Variants in TMED3 observed in about 807,000 individuals in gnomAD.
The protein encoded by TMED3 is transmembrane p24 trafficking protein 3.
Under a neutral mutation model 15.0 loss-of-function variants are expected in TMED3, and 9 were observed. That is an observed-to-expected ratio of 0.60 (90% CI 0.36 to 1.04). TMED3 has a LOEUF of 1.04. Among genes scored for constraint, TMED3 ranks in the 50% least tolerant of loss-of-function variants. The pLI, the probability that TMED3 is intolerant of heterozygous loss-of-function variation, is 0.01. For synonymous variants in TMED3, 117 were observed against 121.4 expected, an observed-to-expected ratio of 0.96 and a Z score of 0.24; for missense variants, 267 against 278.9, an observed-to-expected ratio of 0.96 and a Z score of 0.30.
At chr15:79,382,560 C>G (rs1211818715) in intron 2 of TMED3, among the ~76,000 whole-genome samples, 1 of 152,220 alleles carries the variant, frequency 6.6e-6, no homozygotes, top group Non-Finnish European at 1.5e-5. Context: ...AGCACCTATC[C>G]CACAGTGGCC....
chr15:79,398,546 G>T (rs553588536), intron 2 of TMED3, among the ~76,000 whole-genome samples: 23 of 149,182 alleles, frequency 1.5e-4, no homozygotes, highest in African/African-American at 5.2e-4. Flanking sequence ...AAAGGCCTGA[G>T]AACGGGAAGC....
intron 2 of TMED3, among the ~76,000 whole-genome samples, chr15:79,363,332 C>G (rs914554740): frequency 4.6e-5 from 7 of 151,696 alleles, no homozygotes; most frequent in Non-Finnish European, 1.0e-4. Flanking sequence ...ATTAATAGAC[C>G]AGACTAAAAA....
chr15:79,362,895 G>C (rs1893159486), intron 2 of TMED3, among the ~76,000 whole-genome samples: 1 of 152,118 alleles, frequency 6.6e-6, no homozygotes. Context: ...AGCAGCATGA[G>C]AACAGACTAA....
intron 2 of TMED3, among the ~76,000 whole-genome samples, chr15:79,356,022 G>A (rs1567031316): frequency 6.6e-6 from 1 of 152,104 alleles, no homozygotes; most frequent in Non-Finnish European, 1.5e-5. Context: ...CAGTCTTCTG[G>A]TCCAGCTTGT....
intron 2 of TMED3, among the ~76,000 whole-genome samples, chr15:79,396,404 C>T (rs1000018760): frequency 6.6e-6 from 1 of 152,124 alleles, no homozygotes; most frequent in East Asian, 1.9e-4. Context: ...TGGCTGGGGG[C>T]TAGAATCTTC....
downstream of TMED3, among the ~76,000 whole-genome samples, chr15:79,325,500 T>C (rs2058783963): frequency 6.6e-6 from 1 of 152,212 alleles, no homozygotes; most frequent in African/African-American, 2.4e-5. Flanking sequence ...CATTAAGTGT[T>C]ATATAAAATG....
rs547582170 is a variant in TMED3, at chr15:79,334,860, C to T, written c.417+20855C>T. On this transcript the variant is annotated intron_variant, in intron 2 of 2. Transcript: ENST00000424155. ...AGAAATTGTAGAAGGGGTTATAATACAACAAAAGAGATGAAAAGGAGCTGT... is the reference window on the plus strand; with the variant it reads ...AGAAATTGTAGAAGGGGTTATAATATAACAAAAGAGATGAAAAGGAGCTGT... Among the ~76,000 whole-genome samples, 7 of 139,532 alleles carry T rather than the reference C, an allele frequency of 5.0e-5. No homozygotes were observed. In the South Asian group the frequency reaches 1.4e-3, roughly 27 times the overall value. 91.5% of individuals were successfully genotyped at this position (139,532 alleles called of 152,430 possible). A position where few individuals can be genotyped will look rare whatever the true frequency, so the allele number is the denominator to read the frequency against.
intron 2 of TMED3, among the ~76,000 whole-genome samples, chr15:79,360,395 TTCAGGGG>T (rs1158011384): frequency 6.6e-6 from 1 of 152,190 alleles, no homozygotes; most frequent in Non-Finnish European, 1.5e-5. Flanking sequence ...GGAAGCACTC[TTCAGGGG>T]TCACATAGCT....
intron 2 of TMED3, among the ~76,000 whole-genome samples, chr15:79,332,426 A>C (rs1595890934): frequency 6.6e-6 from 1 of 152,240 alleles, no homozygotes; most frequent in East Asian, 1.9e-4. Context: ...GAGGTGGATG[A>C]GTTAAAAGTG....
chr15:79,378,943 TG>T (rs1210681011), intron 2 of TMED3, among the ~76,000 whole-genome samples: 1 of 152,228 alleles, frequency 6.6e-6, no homozygotes, highest in Non-Finnish European at 1.5e-5. Context: ...ATGGCAAAAG[TG>T]ATATACTTAT....
At chr15:79,331,003 C>T (rs2058806189) in intron 2 of TMED3, among the ~76,000 whole-genome samples, 2 of 152,192 alleles carry the variant, frequency 1.3e-5, no homozygotes. Flanking sequence ...AGCATAGTAG[C>T]ATCTGTTTCT....
At chr15:79,353,182 A>ATT (rs2058901111) in intron 2 of TMED3, among the ~76,000 whole-genome samples, 3 of 75,990 alleles carry the variant, frequency 3.9e-5, no homozygotes, top group South Asian at 3.5e-4. Flanking sequence ...CATAATATAT[A>ATT]AAATATATAT....
In TMED3 at chr15:79,322,281, C is replaced by T; in HGVS notation, c.*67C>T. 1.9e-6 allele frequency: 3 copies of T among 1,556,628 alleles called. No individual in the cohort carries two copies. Among genetic ancestry groups the T allele is most frequent in the Admixed American group, 1.9e-5 (1 of 53,886 alleles). On this transcript the variant is annotated 3_prime_UTR_variant, in exon 3 of 3. Coordinates refer to ENST00000299705, the MANE Select transcript of TMED3 (RefSeq NM_007364.4). ...AGCAGCTCTCCTAGGTCACAGCCTG[C>T]TGGGCTGGGTCGCGTAGCCCAGGGT... is the stretch of plus-strand genomic sequence containing the variant.
In TMED3 at chr15:79,322,210, C is replaced by T. The variant is rs766347965; in HGVS notation, c.650C>T (p.Ser217Phe). 3 of 1,612,096 alleles carry T rather than the reference C, an allele frequency of 1.9e-6. No homozygotes were observed. The highest frequency in any genetic ancestry group is 1.7e-5 in the Admixed American group (1 of 59,848). ...CGACCCATCAGCAGGGCAGTCCACT[C>T]CTAGCCCCGGCATCCTGCTCTAGGG... ...EKRPISRAVH[S>F] Residue 217 changes from serine to phenylalanine, a missense_variant, in exon 3 of 3, where the codon TCC becomes TTC. Coordinates refer to ENST00000299705, the MANE Select transcript of TMED3 (RefSeq NM_007364.4).
At chr15:79,376,225 T>C (rs952646698) in intron 2 of TMED3, among the ~76,000 whole-genome samples, 6 of 150,466 alleles carry the variant, frequency 4.0e-5, no homozygotes, top group East Asian at 2.0e-4. Flanking sequence ...GAGAAAGATT[T>C]CTTTAAGTTA....
chr15:79,313,974 A>G lies in TMED3; in HGVS notation c.386A>G (p.Asp129Gly). The change falls in exon 2 of 3, where the codon GAC (aspartate) becomes GGC (glycine). Residue 129 changes from aspartate (D) to glycine (G), a missense_variant. Asp to Gly is a moderately conservative substitution (Grantham distance 94). Coordinates refer to ENST00000299705, the MANE Select transcript of TMED3 (RefSeq NM_007364.4). ...GGCGATGAGCCTCCCATTCTCCCAG[A>G]CATGGGGAACAGGGTCACAGCTCTC... is the stretch of plus-strand genomic sequence containing the variant. ...QVGDEPPILP[D>G]MGNRVTALTQ... 2 of 1,614,106 alleles carry G rather than the reference A, an allele frequency of 1.2e-6. No homozygotes were observed. The highest frequency in any genetic ancestry group is 1.3e-5 in the African/African-American group (1 of 75,060).
intron 2 of TMED3, among the ~76,000 whole-genome samples, chr15:79,363,075 A>G (rs1041890048): frequency 6.6e-6 from 1 of 152,234 alleles, no homozygotes; most frequent in Non-Finnish European, 1.5e-5. Flanking sequence ...ACAGTAATTC[A>G]TTAGATGAGA....
intron 2 of TMED3, chr15:79,411,264 C>A: frequency 1.8e-6 from 1 of 560,798 alleles, no homozygotes; most frequent in South Asian, 2.1e-5. Flanking sequence ...TTAGAGCCAG[C>A]AATAAAGGTA....
At chr15:79,394,243 C>A (rs1385285486) in intron 2 of TMED3, among the ~76,000 whole-genome samples, 1 of 152,154 alleles carries the variant, frequency 6.6e-6, no homozygotes, top group Non-Finnish European at 1.5e-5. Flanking sequence ...TTCGAAAAGG[C>A]ATACTTTAAA....
Sources: gnomAD v4.1 joint callset for allele counts (sites outside exome capture counted in the v4.1 genomes callset) on GRCh38, gnomAD v4.1.1 for gene constraint, MANE v1.5 for transcripts, NCBI Gene and HGNC (gene_info 2026-07-23, HGNC 2026-07-21) for gene names.